CDH4: variants seen among roughly 807,000 people sequenced by gnomAD.
The protein encoded by CDH4 is cadherin-4.
In CDH4, 33 loss-of-function variants were observed where a neutral mutation model predicts 86.0. The ratio of observed to expected loss-of-function variants is 0.38; its 90% CI spans 0.29 to 0.51. The LOEUF is 0.51. Ranked by LOEUF, CDH4 falls within the 20% of genes least tolerant of loss-of-function variation. The probability of loss-of-function intolerance (pLI) is 0.86; values close to 1 mark genes in which losing one functional copy is unlikely to be tolerated. For synonymous variants in CDH4, 555 were observed against 549.4 expected (o/e 1.01, Z -0.14); for missense variants, 1,114 against 1,307.4 (o/e 0.85, Z 2.28).
intron 2 of CDH4, among the ~76,000 whole-genome samples, chr20:61,443,611 A>G (rs1370311905): frequency 6.6e-6 from 1 of 152,166 alleles, no homozygotes; most frequent in East Asian, 1.9e-4. Context: ...AGCTGCCATT[A>G]TTTTCGCAAG....
chr20:61,486,620 A>G (rs1346460653), intron 2 of CDH4, among the ~76,000 whole-genome samples: 1 of 152,180 alleles, frequency 6.6e-6, no homozygotes, highest in Non-Finnish European at 1.5e-5. Context: ...GCCAGGTACG[A>G]TGGCTCATGC....
chr20:61,370,963 C>T (rs1335033916), intron 2 of CDH4: 1 of 152,270 alleles, frequency 6.6e-6, no homozygotes, highest in Non-Finnish European at 1.5e-5. Flanking sequence ...CGAGGAGCCT[C>T]AGCGCTCTGG....
intron 2 of CDH4, among the ~76,000 whole-genome samples, chr20:61,458,948 T>G (rs1246963209): frequency 7.1e-6 from 1 of 140,012 alleles, no homozygotes; most frequent in Non-Finnish European, 1.6e-5. Context: ...GCTTCTGCTA[T>G]CCCCACTTTT....
intron 7 of CDH4, among the ~76,000 whole-genome samples, chr20:61,892,913 G>A (rs1282971830): frequency 6.6e-6 from 1 of 151,670 alleles, no homozygotes; most frequent in Non-Finnish European, 1.5e-5. Flanking sequence ...AAAGAGGGAG[G>A]GAGGGATGGT....
At chr20:61,819,574 A>G (rs2146061852) in intron 4 of CDH4, among the ~76,000 whole-genome samples, 1 of 152,318 alleles carries the variant, frequency 6.6e-6, no homozygotes, top group South Asian at 2.1e-4. Flanking sequence ...CTGCACCCCC[A>G]GCACTGTTTT....
At chr20:61,271,088 G>C (rs2084180693) in intron 2 of CDH4, among the ~76,000 whole-genome samples, 1 of 152,180 alleles carries the variant, frequency 6.6e-6, no homozygotes, top group African/African-American at 2.4e-5. Flanking sequence ...CCTGACATTA[G>C]AATGGGTCTG....
At chr20:61,458,155 G>A (rs1393186967) in intron 2 of CDH4, among the ~76,000 whole-genome samples, 3 of 151,722 alleles carry the variant, frequency 2.0e-5, no homozygotes, top group Admixed American at 6.6e-5. Context: ...TGGTCATGAT[G>A]TTGATGACAG....
intron 2 of CDH4, among the ~76,000 whole-genome samples, chr20:61,329,350 T>C (rs76782753): frequency 0.18 from 9,117 of 50,734 alleles, 509 homozygotes; most frequent in East Asian, 0.37. Flanking sequence ...CATGGTTCCC[T>C]CGTGGGTCTG....
At chr20:61,884,193 C>T (rs1461562660) in intron 7 of CDH4, among the ~76,000 whole-genome samples, 1 of 152,140 alleles carries the variant, frequency 6.6e-6, no homozygotes, top group Admixed American at 6.5e-5. Flanking sequence ...GGCTCTGGGC[C>T]ACCAGTGAAC....
intron 2 of CDH4, among the ~76,000 whole-genome samples, chr20:61,511,030 A>G (rs966843621): frequency 6.6e-6 from 1 of 152,128 alleles, no homozygotes; most frequent in African/African-American, 2.4e-5. Context: ...CCTAATCATC[A>G]CCAAGGGGGA....
At chr20:61,876,980 A>G (rs1984053594) in intron 7 of CDH4, among the ~76,000 whole-genome samples, 1 of 152,146 alleles carries the variant, frequency 6.6e-6, no homozygotes, top group Non-Finnish European at 1.5e-5. Flanking sequence ...GGCAGTTAGT[A>G]TGGGTGCAGG....
At chr20:61,731,421 G>A (rs759037913) in intron 2 of CDH4, among the ~76,000 whole-genome samples, 1 of 152,160 alleles carries the variant, frequency 6.6e-6, no homozygotes, top group Non-Finnish European at 1.5e-5. Context: ...ACAGGGGTAT[G>A]CTCAGTCAGG....
At chr20:61,350,937 AC>A (rs2084708406) in intron 2 of CDH4, among the ~76,000 whole-genome samples, 2 of 152,160 alleles carry the variant, frequency 1.3e-5, no homozygotes, top group Admixed American at 6.5e-5. Flanking sequence ...CAATACAGAG[AC>A]CATCGCTCTA....
chr20:61,766,882 G>T (rs2088705659), intron 3 of CDH4, among the ~76,000 whole-genome samples: 1 of 152,154 alleles, frequency 6.6e-6, no homozygotes, highest in South Asian at 2.1e-4. Flanking sequence ...GTCCCCAGTG[G>T]ACTGATTGTG....
At chr20:61,680,829 C>T (rs1014378746) in intron 2 of CDH4, among the ~76,000 whole-genome samples, 1 of 152,286 alleles carries the variant, frequency 6.6e-6, no homozygotes, top group South Asian at 2.1e-4. Context: ...TGAGTTCCCC[C>T]CTGTGTCTTC....
intron 2 of CDH4, among the ~76,000 whole-genome samples, chr20:61,344,745 A>G (rs976163344): frequency 6.6e-6 from 1 of 152,146 alleles, no homozygotes; most frequent in Non-Finnish European, 1.5e-5. Flanking sequence ...TTCAACTTTA[A>G]TATTTTACTT....
At chr20:61,648,486 A>G (rs886900499) in intron 2 of CDH4, among the ~76,000 whole-genome samples, 1 of 152,186 alleles carries the variant, frequency 6.6e-6, no homozygotes, top group East Asian at 1.9e-4. Flanking sequence ...AGCTCCTCAC[A>G]GGGCCAGCTC....
chr20:61,407,129 T>G (rs551259766), intron 2 of CDH4, among the ~76,000 whole-genome samples: 15 of 152,340 alleles, frequency 9.8e-5, no homozygotes, highest in African/African-American at 3.1e-4. Context: ...GATGTACCAC[T>G]TGCAAGGTTG....
chr20:61,312,215 GGT>G (rs1321486405), intron 2 of CDH4, among the ~76,000 whole-genome samples: 1 of 150,010 alleles, frequency 6.7e-6, no homozygotes, highest in Non-Finnish European at 1.5e-5. Flanking sequence ...GCATATGTGC[GGT>G]GTGTGTGTGG....
Sources: allele counts gnomAD v4.1 joint callset (sites outside exome capture counted in the v4.1 genomes callset), GRCh38; gene constraint gnomAD v4.1.1; transcripts MANE v1.5; gene names NCBI Gene and HGNC (gene_info 2026-07-23, HGNC 2026-07-21).